Variants in PSMA7 observed in about 807,000 individuals in gnomAD.
PSMA7 encodes the protein proteasome subunit alpha type-7.
In PSMA7, 5 loss-of-function variants were observed where a neutral mutation model predicts 31.3. That is an observed-to-expected ratio of 0.16 (90% CI 0.08 to 0.34). PSMA7 has a LOEUF of 0.34. Among genes scored for constraint, PSMA7 ranks in the 10% least tolerant of loss-of-function variants. PSMA7 has a pLI of 1.00. For synonymous variants in PSMA7, 155 were observed against 121.9 expected, an observed-to-expected ratio of 1.27 and a Z score of -1.79; for missense variants, 217 against 327.5, an observed-to-expected ratio of 0.66 and a Z score of 2.60.
At chr20:62,142,877 G>A (rs1218085488) in intron 1 of PSMA7, among the ~76,000 whole-genome samples, 3 of 151,158 alleles carry the variant, frequency 2.0e-5, no homozygotes, top group South Asian at 2.1e-4. Context: ...CCGGGGCGGC[G>A]GCGCGACCCA....
chr20:62,142,868 C>T (rs1271594966), intron 1 of PSMA7, among the ~76,000 whole-genome samples: 1 of 151,314 alleles, frequency 6.6e-6, no homozygotes, highest in African/African-American at 2.4e-5. Flanking sequence ...CTCTGCTCGC[C>T]GGGGCGGCGG....
At chr20:62,141,237 C>CAGCAAG (rs2056925642) in intron 1 of PSMA7, among the ~76,000 whole-genome samples, 1 of 152,184 alleles carries the variant, frequency 6.6e-6, no homozygotes, top group African/African-American at 2.4e-5. Context: ...GAGACAGAGA[C>CAGCAAG]AGCAAGACCC....
At chr20:62,137,215 T>C in intron 6 of PSMA7, 149 bp downstream of exon 6, 1 of 938,826 alleles carries the variant, frequency 1.1e-6, no homozygotes, top group Non-Finnish European at 1.7e-6. Context: ...GAATCTTCTC[T>C]TTGACGTATG....
At position 62,139,186 on chromosome 20, in the gene PSMA7, C is replaced by T. The variant is rs759008102; in HGVS notation, c.360G>A (p.Gln120=). The T allele has an allele frequency of 8.1e-6, 13 of 1,613,884 alleles. No individual in the cohort carries two copies. The highest frequency in any genetic ancestry group is 1.1e-5 in the Non-Finnish European group (13 of 1,179,894). Residue 120 remains glutamine, a synonymous_variant, in exon 4 of 7, where the codon CAG becomes CAA. Coordinates refer to ENST00000370873, the MANE Select transcript of PSMA7 (RefSeq NM_002792.4). ...TGCCAAACGGCCTGCGCCCATTGCT[C>T]TGCGTATAACGCTAGCAAGAAAAGA... The part of the protein sequence containing the change: ...YIASLKQRYT[Q]SNGRRPFGIS...
chr20:62,136,919 C>A lies in PSMA7; in HGVS notation c.685G>T (p.Val229Phe). The A allele has an allele frequency of 6.2e-7, 1 of 1,602,204 alleles. No homozygotes were observed. The highest frequency in any genetic ancestry group is 8.5e-7 in the Non-Finnish European group (1 of 1,176,254). The part of the protein sequence containing the change: ...ILNPEEIEKY[V>F]AEIEKEKEEN... ...TCTTTTTCTTTTTCAATTTCAGCAA[C>A]ATACTTCTCAATTTCTTCAGGATTT... Residue 229 changes from valine (V) to phenylalanine (F), a missense_variant, in exon 7 of 7, where the codon GTT (valine) becomes TTT (phenylalanine). Coordinates refer to ENST00000370873, the MANE Select transcript of PSMA7 (RefSeq NM_002792.4).
Position 62,140,903 on chromosome 20 carries a change from C to T in PSMA7, c.138G>A (p.Glu46=). The T allele has an allele frequency of 6.2e-7, 1 of 1,614,236 alleles. No homozygotes were observed. Among genetic ancestry groups the T allele is most frequent in the Non-Finnish European group, 8.5e-7 (1 of 1,180,024 alleles). The stretch of plus-strand genomic sequence containing the variant: ...CCTGCAGTTTGGCCACTGACTTCTT[C>T]TCCACACCAAGAACAACAATGTCTC... ...RGRDIVVLGV[E]KKSVAKLQDE... is the part of the protein sequence containing the mutation. Residue 46 remains glutamate, a synonymous_variant, in exon 2 of 7, where the codon GAG becomes GAA. Coordinates refer to ENST00000370873, the MANE Select transcript of PSMA7 (RefSeq NM_002792.4).
rs1363092963 is a variant in PSMA7, at chr20:62,136,754, G to A, written c.*103C>T. The A allele has an allele frequency of 7.0e-7, 1 of 1,426,784 alleles. No homozygotes were observed. Among genetic ancestry groups the A allele is most frequent in the Non-Finnish European group, 9.3e-7 (1 of 1,074,480 alleles). 88.4% of individuals were successfully genotyped at this position (1,426,784 alleles called of 1,614,324 possible). On this transcript the variant is annotated 3_prime_UTR_variant, in exon 7 of 7. Coordinates refer to ENST00000370873, the MANE Select transcript of PSMA7 (RefSeq NM_002792.4). ...CAGGTTAAAAATACGGAAGTTTATT[G>A]TAGGACACTCAGTGTGAATAAATGG...
In PSMA7 at chr20:62,138,105, A is replaced by G. The variant is rs533635647; in HGVS notation, c.591+66T>C. The G allele has an allele frequency of 4.4e-6, 7 of 1,608,312 alleles. No homozygotes were observed. In the Admixed American group the frequency reaches 5.0e-5, roughly 12 times the overall value. ...TTGCCACCTTCCTTCCTGCTCATCT[A>G]CCTACCACTCACCACCAAAACGTGG... On this transcript the variant is annotated intron_variant, in intron 5 of 6. Coordinates refer to ENST00000370873, the MANE Select transcript of PSMA7 (RefSeq NM_002792.4).
In PSMA7 at chr20:62,143,279, C is replaced by G; in HGVS notation, c.25G>C (p.Val9Leu). MSYDRAIT[V>L]FSPDGHLFQV... ...AAGAGGTGGCCGTCGGGCGAGAAGA[C>G]GGTGATGGCGCGGTCGTAGCTCATG... Residue 9 changes from valine (V) to leucine (L), a missense_variant, in exon 1 of 7, where the codon GTC (valine) becomes CTC (leucine). This residue lies in a region of PSMA7 where 76 missense variants were observed against 96.5 expected (regional missense o/e 0.79). Transcript: ENST00000370873. The G allele has an allele frequency of 6.8e-7, 1 of 1,471,480 alleles. No homozygotes were observed. Among genetic ancestry groups the G allele is most frequent in the Non-Finnish European group, 9.1e-7 (1 of 1,103,060 alleles). The allele number at this position is 1,471,480 out of a possible 1,614,324, so 91.2% of individuals were successfully genotyped here. A position where few individuals can be genotyped will look rare whatever the true frequency, so the allele number is the denominator to read the frequency against.
At position 62,139,389 on chromosome 20, in the gene PSMA7, C is replaced by T. The variant is rs1600967279; in HGVS notation, c.349-192G>A. ...GCATTTTCACTCCTAGAAAAACTCACCTAGGACCAGAATTGTGAACTCAGG... is the reference window on the plus strand; with the variant it reads ...GCATTTTCACTCCTAGAAAAACTCATCTAGGACCAGAATTGTGAACTCAGG... On this transcript the variant is annotated intron_variant, in intron 3 of 6. Transcript: ENST00000370873. The T allele has an allele frequency of 6.6e-6, 5 of 753,636 alleles. No homozygotes were observed. The East Asian group carries it at 1.4e-4, about 20-fold the overall frequency. The allele number at this position is 753,636 out of a possible 1,614,324, so 46.7% of individuals were successfully genotyped here.
rs373831756 is a variant in PSMA7 at position 62,138,484 on chromosome 20, T to C, written c.472-194A>G. Among the ~76,000 whole-genome samples, 26 of 152,064 alleles carry C rather than the reference T, an allele frequency of 1.7e-4. No individual in the cohort carries two copies. In the East Asian group the frequency reaches 1.7e-3, roughly 10 times the overall value. ...GCAAAGAGCTCTTTAGAGTTGATGC[T>C]GATTCTTACCGAGAATGGGGTTATA... On this transcript the variant is annotated intron_variant, in intron 4 of 6. Transcript: ENST00000370873.
At chr20:62,141,040 T>C in intron 1 of PSMA7, 96 bp from the exon 2 acceptor site, 2 of 1,462,120 alleles carry the variant, frequency 1.4e-6, no homozygotes, top group Admixed American at 3.5e-5. Context: ...GAGGCTGAGG[T>C]GGGTGGATGA....
In PSMA7 at chr20:62,139,811, G is replaced by A; in HGVS notation, c.318C>T (p.Tyr106=). 1.2e-6 allele frequency: 2 copies of A among 1,614,090 alleles called. No individual in the cohort carries two copies. The highest frequency in any genetic ancestry group is 1.1e-5 in the South Asian group (1 of 91,088). The stretch of plus-strand genomic sequence containing the variant: ...TCAGACTGGCGATGTAGCGGGTGAT[G>A]TACTCCACAGTGACCGGGTCCTCCA... The part of the protein sequence containing the change: ...LTVEDPVTVE[Y]ITRYIASLKQ... Residue 106 remains tyrosine (Y), a synonymous_variant, in exon 3 of 7, where the codon TAC becomes TAT. Coordinates refer to ENST00000370873, the MANE Select transcript of PSMA7 (RefSeq NM_002792.4).
rs374935366 is a variant in PSMA7, at chr20:62,139,895, G to A, written c.234C>T (p.Ala78=). The change falls in exon 3 of 7, where the codon GCC becomes GCT. Residue 78 remains alanine, a synonymous_variant. Coordinates refer to ENST00000370873, the MANE Select transcript of PSMA7 (RefSeq NM_002792.4). ...CCCTGTTGATGACTATCCTTGCATC[G>A]GCGGTGAGGCCTGCAAGGAAAGCAG... ...NVCMAFAGLT[A]DARIVINRAR... The A allele has an allele frequency of 3.7e-5, 60 of 1,613,576 alleles. No individual in the cohort carries two copies. Among genetic ancestry groups the A allele is most frequent in the African/African-American group, 2.4e-4 (18 of 75,050 alleles).
chr20:62,139,394 G>C (rs1292653896), intron 3 of PSMA7, 197 bp from the exon 4 acceptor site: 4 of 733,346 alleles, frequency 5.5e-6, no homozygotes, highest in African/African-American at 5.3e-5. Context: ...ACTCACCTAG[G>C]ACCAGAATTG....
At chr20:62,141,037 AGGTG>A (rs2056924563) in intron 1 of PSMA7, 93 bp from the exon 2 acceptor site, 2 of 1,481,682 alleles carry the variant, frequency 1.3e-6, no homozygotes, top group Non-Finnish European at 1.9e-6. Context: ...TGGGAGGCTG[AGGTG>A]GGTGGATGAC....
intron 3 of PSMA7, 71 bp downstream of exon 3, chr20:62,139,710 C>A (rs2056915501): frequency 6.2e-7 from 1 of 1,611,170 alleles, no homozygotes; most frequent in Non-Finnish European, 8.5e-7. Context: ...AGTGACATGG[C>A]AGGACCCTCC....
intron 6 of PSMA7, among the ~76,000 whole-genome samples, 166 bp from the exon 7 acceptor site, chr20:62,137,115 A>C (rs547729390): frequency 2.5e-5 from 2 of 79,406 alleles, no homozygotes; most frequent in African/African-American, 5.4e-5. Context: ...GACAAGTATT[A>C]AGCAGCAGTA....
chr20:62,139,935 G>C (rs2056917495), intron 2 of PSMA7, 30 bp from the exon 3 acceptor site: 1 of 1,607,820 alleles, frequency 6.2e-7, no homozygotes, highest in Non-Finnish European at 8.5e-7. Flanking sequence ...GCTTCTGCTA[G>C]AGAGACAGCA....
Sources: allele counts gnomAD v4.1 joint callset (sites outside exome capture counted in the v4.1 genomes callset), GRCh38; gene constraint gnomAD v4.1.1; regional missense constraint gnomAD v4.1.1; transcripts MANE v1.5; gene names NCBI Gene and HGNC (gene_info 2026-07-23, HGNC 2026-07-21).